The following MGRN1 variants were observed in gnomAD, a reference collection of about 807,000 sequenced individuals.
MGRN1 encodes E3 ubiquitin-protein ligase MGRN1.
MGRN1 carries 29 observed loss-of-function variants against 69.2 expected under a neutral mutation model. The observed-to-expected ratio is 0.42, with a 90% CI of 0.31 to 0.57. MGRN1 has a LOEUF of 0.57. MGRN1 is among the 20% of genes least tolerant of loss of function. MGRN1 has a pLI of 0.15. For synonymous variants in MGRN1, 470 were observed against 344.2 expected (o/e 1.37, Z -4.04); for missense variants, 998 against 796.2 (o/e 1.25, Z -3.05).
chr16:4,688,960 A>G lies in MGRN1; in HGVS notation c.*52A>G. On this transcript the variant is annotated 3_prime_UTR_variant, in exon 17 of 17. Transcript: ENST00000262370. ...GCCCTCGGCTCCCCAGACTTTGCCG[A>G]GGGGCTGCTCCGGACCCCGTTGTGA... 9 of 1,501,222 alleles carry G rather than the reference A, an allele frequency of 6.0e-6. No homozygotes were observed. Among genetic ancestry groups the G allele is most frequent in the Non-Finnish European group, 8.1e-6 (9 of 1,117,276 alleles). 93.0% of individuals were successfully genotyped at this position (1,501,222 alleles called of 1,614,324 possible).
chr16:4,648,626 C>CG (rs1201218036), intron 1 of MGRN1, among the ~76,000 whole-genome samples: 1 of 95,952 alleles, frequency 1.0e-5, no homozygotes, highest in Non-Finnish European at 1.9e-5. Context: ...GTCCTCCTCC[C>CG]GGGACTCTTC....
intron 1 of MGRN1, among the ~76,000 whole-genome samples, chr16:4,636,215 A>T (rs74005379): frequency 6.6e-6 from 1 of 151,530 alleles, no homozygotes; most frequent in Non-Finnish European, 1.5e-5. Flanking sequence ...GAGGCCCCCT[A>T]TTGTCCCCTT....
At chr16:4,683,330 G>A in intron 15 of MGRN1, 61 bp downstream of exon 15, 2 of 1,581,760 alleles carry the variant, frequency 1.3e-6, no homozygotes, top group Non-Finnish European at 1.7e-6. Context: ...CTGGCTTACT[G>A]GGGCCTTAGG....
At chr16:4,663,425 CAGCTCACTCGTGTTA>C (rs2078730731) in intron 5 of MGRN1, among the ~76,000 whole-genome samples, 1 of 140,544 alleles carries the variant, frequency 7.1e-6, no homozygotes, top group Non-Finnish European at 1.5e-5. Context: ...CCATCTCCTG[CAGCTCACTCGTGTTA>C]AGCGAATGAT....
chr16:4,660,033 A>T (rs552666832), intron 5 of MGRN1, among the ~76,000 whole-genome samples: 2 of 152,270 alleles, frequency 1.3e-5, no homozygotes, highest in South Asian at 2.1e-4. Context: ...TAGGAGGGAG[A>T]CGCTTCCCCG....
rs1181439173 is a variant in MGRN1, at chr16:4,664,736, T to C, written c.589T>C (p.Phe197Leu). 6.2e-7 allele frequency: 1 copy of C among 1,614,068 alleles called. No individual in the cohort carries two copies. Among genetic ancestry groups the C allele is most frequent in the African/African-American group, 1.3e-5 (1 of 74,930 alleles). Residue 197 changes from phenylalanine (F) to leucine (L), a missense_variant, in exon 6 of 17, where the codon TTT (phenylalanine) becomes CTT (leucine). Transcript: ENST00000262370. ...ELNFDLDRGV[F>L]PVVIQAVVDE... ...GAACTTTGACCTGGACCGGGGCGTG[T>C]TTCCAGTAGTCATCCAGGCTGTGGT...
intron 5 of MGRN1, among the ~76,000 whole-genome samples, chr16:4,662,896 A>G (rs1355756593): frequency 6.6e-6 from 1 of 152,128 alleles, no homozygotes; most frequent in East Asian, 1.9e-4. Flanking sequence ...TCCCACCTGG[A>G]CATCCGTGGG....
At chr16:4,650,294 C>T in intron 1 of MGRN1, 71 bp from the exon 2 acceptor site, 1 of 1,247,274 alleles carries the variant, frequency 8.0e-7, no homozygotes, top group South Asian at 1.4e-5. Flanking sequence ...AGCGCCACTG[C>T]ACTCTAGCCT....
intron 5 of MGRN1, chr16:4,664,386 G>C: frequency 2.6e-6 from 1 of 386,876 alleles, no homozygotes; most frequent in South Asian, 3.0e-5. Context: ...GGGTGCTGAT[G>C]GCTACGTGTG....
intron 1 of MGRN1, among the ~76,000 whole-genome samples, chr16:4,644,884 A>G (rs899845695): frequency 1.3e-5 from 2 of 152,190 alleles, no homozygotes; most frequent in Non-Finnish European, 2.9e-5. Context: ...ATCTAATTCT[A>G]GAACATGGTC....
At chr16:4,688,584 C>T in intron 16 of MGRN1, 37 of 1,303,548 alleles carry the variant, frequency 2.8e-5, no homozygotes, top group Non-Finnish European at 3.6e-5. Context: ...CTGGGATCGT[C>T]TGTCCCAAGA....
intron 5 of MGRN1, among the ~76,000 whole-genome samples, chr16:4,659,903 G>A (rs1366274000): frequency 1.3e-5 from 2 of 152,222 alleles, no homozygotes; most frequent in Non-Finnish European, 2.9e-5. Context: ...AGCTGGCCCT[G>A]CTCCAGCGCG....
intron 1 of MGRN1, among the ~76,000 whole-genome samples, chr16:4,628,514 C>A (rs140802401): frequency 1.3e-5 from 2 of 152,190 alleles, no homozygotes; most frequent in East Asian, 3.9e-4. Flanking sequence ...AGAGTCCCTA[C>A]CCCAACCCCC....
chr16:4,644,311 T>TG (rs1038481163), intron 1 of MGRN1, among the ~76,000 whole-genome samples: 2 of 147,492 alleles, frequency 1.4e-5, no homozygotes, highest in Middle Eastern at 3.4e-3. Context: ...ACCAGTTTTT[T>TG]TTTTTTTTTT....
chr16:4,659,309 G>A (rs545766470), intron 5 of MGRN1, among the ~76,000 whole-genome samples: 13 of 152,292 alleles, frequency 8.5e-5, no homozygotes, highest in African/African-American at 2.2e-4. Flanking sequence ...GCTGTGTGGC[G>A]TGTGTGCTGA....
intron 7 of MGRN1, among the ~76,000 whole-genome samples, chr16:4,666,926 C>T (rs540139689): frequency 6.6e-6 from 1 of 152,216 alleles, no homozygotes; most frequent in African/African-American, 2.4e-5. Flanking sequence ...TGCTGCCCAC[C>T]TGGCATGGGT....
chr16:4,624,877 C>T lies in MGRN1; in HGVS notation c.-84C>T. ...TGGACGAGCGTCCGTGCGGCCTGGT[C>T]CGGGCCATGTCCGCGTGAGGACCCC... On this transcript the variant is annotated 5_prime_UTR_variant, in exon 1 of 17. Coordinates refer to ENST00000262370, the MANE Select transcript of MGRN1 (RefSeq NM_015246.4). 2 of 1,251,598 alleles carry T rather than the reference C, an allele frequency of 1.6e-6. No individual in the cohort carries two copies. The highest frequency in any genetic ancestry group is 2.2e-6 in the Non-Finnish European group (2 of 923,802). The allele number at this position is 1,251,598 out of a possible 1,614,324, so 77.5% of individuals were successfully genotyped here.
In MGRN1 at chr16:4,687,567, GA is replaced by G. The variant is rs975934547; in HGVS notation, c.1619-1219del. ...ACTCCAGCCTGAGACCCTGTCTCAA[GA>G]AAAAAAAAATACACACACACACACA... On this transcript the variant is annotated intron_variant, in intron 16 of 16. Coordinates refer to ENST00000262370, the MANE Select transcript of MGRN1 (RefSeq NM_015246.4). 16 of 745,420 alleles carry G rather than the reference GA, an allele frequency of 2.1e-5. No homozygotes were observed. In the African/African-American group the frequency reaches 2.4e-4, roughly 11 times the overall value. The allele number at this position is 745,420 out of a possible 1,614,324, so 46.2% of individuals were successfully genotyped here.
At position 4,627,526 on chromosome 16, in the gene MGRN1, G is replaced by A. The variant is rs183048895; in HGVS notation, c.88+2478G>A. ...CGTCTGGCCAGGCGCGGTGGCTCAC[G>A]CCTATAATCCCATCACTTTGGGAGG... On this transcript the variant is annotated intron_variant, in intron 1 of 16. Coordinates refer to ENST00000262370, the MANE Select transcript of MGRN1 (RefSeq NM_015246.4). Among the ~76,000 whole-genome samples, 139 of 152,370 alleles carry A rather than the reference G, an allele frequency of 9.1e-4. 1 individual carries two copies. The highest frequency in any genetic ancestry group is 1.5e-3 in the Non-Finnish European group (100 of 68,042).
Sources: allele counts gnomAD v4.1 joint callset (sites outside exome capture counted in the v4.1 genomes callset), GRCh38; gene constraint gnomAD v4.1.1; transcripts MANE v1.5; gene names NCBI Gene and HGNC (gene_info 2026-07-23, HGNC 2026-07-21).